Variants in KLRG2 observed in about 807,000 individuals in gnomAD.
The protein encoded by KLRG2 is killer cell lectin-like receptor subfamily G member 2.
Under a neutral mutation model 35.4 loss-of-function variants are expected in KLRG2, and 39 were observed. The observed-to-expected ratio is 1.10, with a 90% CI of 0.85 to 1.44. The LOEUF is 1.44. Ranked by LOEUF, KLRG2 falls within the 40% of genes most tolerant of loss-of-function variation. The probability of loss-of-function intolerance (pLI) is 0.00; values close to 1 mark genes in which losing one functional copy is unlikely to be tolerated. For missense variants in KLRG2, 632 were observed against 570.9 expected, an observed-to-expected ratio of 1.11 and a Z score of -1.09; for synonymous variants, 283 against 265.8, an observed-to-expected ratio of 1.06 and a Z score of -0.63.
At chr7:139,443,656 G>A in the KLRG2 span, among the ~76,000 whole-genome samples, 1 of 151,988 alleles carries the variant, frequency 6.6e-6, no homozygotes, top group Non-Finnish European at 1.5e-5. Context: ...CCACCTCCCG[G>A]GTTCAAACGA....
chr7:139,429,059 G>A, the KLRG2 span, among the ~76,000 whole-genome samples: 86 of 152,306 alleles, frequency 5.6e-4, no homozygotes, highest in African/African-American at 1.9e-3. Context: ...GCTTACGCCT[G>A]TAATCCCAGG....
chr7:139,437,227 G>A, the KLRG2 span, among the ~76,000 whole-genome samples: 5 of 152,012 alleles, frequency 3.3e-5, no homozygotes, highest in African/African-American at 1.2e-4. Flanking sequence ...AGGAGTTCAA[G>A]ACCAGCCTGG....
chr7:139,455,269 T>C (rs1487097245), intron 3 of KLRG2, among the ~76,000 whole-genome samples: 2 of 152,104 alleles, frequency 1.3e-5, no homozygotes, highest in Non-Finnish European at 2.9e-5. Flanking sequence ...TCTGTCCATT[T>C]TAGCCTCCCA....
At chr7:139,479,859 G>A in intron 2 of KLRG2, 87 bp from the exon 3 acceptor site, 1 of 1,454,748 alleles carries the variant, frequency 6.9e-7, no homozygotes, top group Non-Finnish European at 9.3e-7. Flanking sequence ...GAAGGGGCAT[G>A]GAACTGGCAA....
chr7:139,461,268 A>G (rs577924154), intron 3 of KLRG2, among the ~76,000 whole-genome samples: 1 of 152,012 alleles, frequency 6.6e-6, no homozygotes, highest in South Asian at 2.1e-4. Flanking sequence ...GAGAGAGAGA[A>G]ATGTGGGGGA....
At chr7:139,454,794 CT>C (rs1585161684) in intron 3 of KLRG2, among the ~76,000 whole-genome samples, 1 of 150,016 alleles carries the variant, frequency 6.7e-6, no homozygotes. Context: ...CCAGCCTGGG[CT>C]GACAAGAGGG....
At chr7:139,455,153 G>T (rs1796448488) in intron 3 of KLRG2, among the ~76,000 whole-genome samples, 1 of 151,422 alleles carries the variant, frequency 6.6e-6, no homozygotes. Context: ...TGAGAGGCTG[G>T]AACTACAGGC....
chr7:139,467,277 A>G (rs528256380), intron 3 of KLRG2, among the ~76,000 whole-genome samples: 1 of 152,214 alleles, frequency 6.6e-6, no homozygotes, highest in South Asian at 2.1e-4. Flanking sequence ...TTACTAATAT[A>G]AGAAGACAAG....
chr7:139,463,865 C>T (rs1422136842), intron 3 of KLRG2, among the ~76,000 whole-genome samples: 2 of 152,294 alleles, frequency 1.3e-5, no homozygotes, highest in Middle Eastern at 3.4e-3. Context: ...TTAATCAATA[C>T]TGAGGCTACC....
intron 3 of KLRG2, among the ~76,000 whole-genome samples, chr7:139,463,457 C>G (rs749563263): frequency 1.4e-4 from 22 of 152,202 alleles, no homozygotes; most frequent in Non-Finnish European, 3.1e-4. Flanking sequence ...AGACAAAACC[C>G]AGCCGCACCT....
chr7:139,475,334 A>G (rs1014816313), intron 3 of KLRG2, among the ~76,000 whole-genome samples: 1 of 152,130 alleles, frequency 6.6e-6, no homozygotes, highest in Admixed American at 6.6e-5. Flanking sequence ...GATCGAGACC[A>G]TCCTGGCTAA....
chr7:139,464,600 A>G (rs1005373465), intron 3 of KLRG2, among the ~76,000 whole-genome samples: 1 of 152,182 alleles, frequency 6.6e-6, no homozygotes. Context: ...CAGCTCTAAA[A>G]GCTGCTCCCA....
chr7:139,465,734 T>C (rs1796642820), intron 3 of KLRG2, among the ~76,000 whole-genome samples: 1 of 146,222 alleles, frequency 6.8e-6, no homozygotes, highest in Non-Finnish European at 1.5e-5. Context: ...GAAGCTAGAG[T>C]CATTCACTGC....
the KLRG2 span, among the ~76,000 whole-genome samples, chr7:139,446,096 G>A: frequency 0.016 from 2,373 of 152,040 alleles, 60 homozygotes; most frequent in African/African-American, 0.054. Context: ...GCCCGCCTCG[G>A]CCTCCCAGTG....
the KLRG2 span, among the ~76,000 whole-genome samples, chr7:139,427,200 A>AGG: frequency 6.6e-6 from 1 of 152,184 alleles, no homozygotes; most frequent in East Asian, 1.9e-4. Context: ...GAGAGCAGGC[A>AGG]GGGGTCTGTC....
the KLRG2 span, among the ~76,000 whole-genome samples, chr7:139,439,886 T>TA: frequency 0.017 from 2,544 of 151,922 alleles, 45 homozygotes; most frequent in Non-Finnish European, 0.023. Flanking sequence ...TAAAAACAAT[T>TA]AAAAAAAACC....
At chr7:139,429,175 G>A in the KLRG2 span, among the ~76,000 whole-genome samples, 12 of 152,072 alleles carry the variant, frequency 7.9e-5, no homozygotes, top group Admixed American at 1.3e-4. Context: ...ACGTGGTGGC[G>A]CGCACCTGTA....
At chr7:139,472,629 C>G (rs978200181) in intron 3 of KLRG2, among the ~76,000 whole-genome samples, 3 of 151,288 alleles carry the variant, frequency 2.0e-5, no homozygotes, top group African/African-American at 4.9e-5. Flanking sequence ...TGAGAAACAT[C>G]AACATTTTGG....
intron 3 of KLRG2, among the ~76,000 whole-genome samples, chr7:139,477,728 G>A (rs1295131929): frequency 6.6e-6 from 1 of 151,972 alleles, no homozygotes; most frequent in Non-Finnish European, 1.5e-5. Context: ...AAATGGCTAG[G>A]ATGGTAAATT....
Sources: allele counts gnomAD v4.1 joint callset (sites outside exome capture counted in the v4.1 genomes callset), GRCh38; gene constraint gnomAD v4.1.1; transcripts MANE v1.5; gene names NCBI Gene and HGNC (gene_info 2026-07-23, HGNC 2026-07-21).